Variants in ZNF385D observed in about 807,000 individuals in gnomAD.
ZNF385D encodes zinc finger protein 385D, also known as zinc finger protein 659.
A neutral mutation model predicts 35.8 loss-of-function variants in ZNF385D; 15 were observed. The observed-to-expected ratio is 0.42, with a 90% CI of 0.28 to 0.64. The LOEUF (loss-of-function observed/expected upper bound fraction) is 0.64. Ranked by LOEUF, ZNF385D falls within the 30% of genes least tolerant of loss-of-function variation. ZNF385D has a pLI of 0.23. For missense variants in ZNF385D, 474 were observed against 494.6 expected (o/e 0.96, Z 0.39); for synonymous variants, 212 against 186.8 (o/e 1.13, Z -1.10).
intron 3 of ZNF385D, among the ~76,000 whole-genome samples, chr3:21,814,033 GT>G (rs993390422): frequency 1.3e-5 from 2 of 152,164 alleles, no homozygotes; most frequent in African/African-American, 2.4e-5. Context: ...CCAGAAGAGA[GT>G]GGGGGCCAAT....
At chr3:21,530,702 G>T (rs375762089) in intron 3 of ZNF385D, among the ~76,000 whole-genome samples, 3 of 151,988 alleles carry the variant, frequency 2.0e-5, no homozygotes, top group African/African-American at 4.8e-5. Flanking sequence ...ACTGAGGTTC[G>T]AAGTCCTCAC....
At chr3:21,673,719 G>A (rs1389946560) in intron 1 of ZNF385D, among the ~76,000 whole-genome samples, 1 of 152,122 alleles carries the variant, frequency 6.6e-6, no homozygotes, top group African/African-American at 2.4e-5. Flanking sequence ...AAACACTAAT[G>A]AATAATGTGT....
intron 3 of ZNF385D, among the ~76,000 whole-genome samples, chr3:21,809,957 A>C (rs1353479909): frequency 6.6e-6 from 1 of 152,162 alleles, no homozygotes; most frequent in African/African-American, 2.4e-5. Flanking sequence ...AGTTCTCACA[A>C]ACATTTCAAG....
intron 3 of ZNF385D, among the ~76,000 whole-genome samples, chr3:21,864,437 T>C (rs757181975): frequency 6.6e-6 from 1 of 152,102 alleles, no homozygotes; most frequent in Non-Finnish European, 1.5e-5. Flanking sequence ...GTTCCTCTAA[T>C]TCTAGCAGTG....
At chr3:22,059,045 G>C (rs769364696) in intron 3 of ZNF385D, among the ~76,000 whole-genome samples, 1 of 152,180 alleles carries the variant, frequency 6.6e-6, no homozygotes, top group Non-Finnish European at 1.5e-5. Flanking sequence ...AAGGACATTG[G>C]TAGGACACAT....
chr3:22,284,782 A>T (rs1281806137), intron 2 of ZNF385D, among the ~76,000 whole-genome samples: 1 of 152,136 alleles, frequency 6.6e-6, no homozygotes, highest in Admixed American at 6.6e-5. Flanking sequence ...TTACAATCAT[A>T]ATTTAAGAAT....
At chr3:21,768,405 C>T (rs1278392293) in intron 3 of ZNF385D, among the ~76,000 whole-genome samples, 2 of 151,932 alleles carry the variant, frequency 1.3e-5, no homozygotes, top group East Asian at 3.9e-4. Flanking sequence ...GTCTCTTTCC[C>T]CACCTAGACA....
At chr3:21,525,080 A>G (rs1337544995) in intron 3 of ZNF385D, among the ~76,000 whole-genome samples, 2 of 152,184 alleles carry the variant, frequency 1.3e-5, no homozygotes, top group Non-Finnish European at 2.9e-5. Context: ...TCAGTAAATC[A>G]TGTATTTTTT....
chr3:21,915,648 A>C (rs540330808), intron 3 of ZNF385D, among the ~76,000 whole-genome samples: 22 of 152,310 alleles, frequency 1.4e-4, no homozygotes, highest in African/African-American at 5.3e-4. Flanking sequence ...AAAGAAAAAA[A>C]ACAAAAACAA....
At chr3:21,753,938 T>G (rs2070225232), upstream of ZNF385D, among the ~76,000 whole-genome samples, 1 of 152,202 alleles carries the variant, frequency 6.6e-6, no homozygotes, top group Non-Finnish European at 1.5e-5. Flanking sequence ...CATTGGGTAT[T>G]TGTTTTTATG....
intron 3 of ZNF385D, among the ~76,000 whole-genome samples, chr3:22,164,448 C>T (rs1706180755): frequency 1.3e-5 from 2 of 151,536 alleles, no homozygotes; most frequent in African/African-American, 2.4e-5. Flanking sequence ...AGGATGGTCT[C>T]GATCTCTTGA....
At chr3:21,461,305 C>T (rs1194903240) in intron 4 of ZNF385D, among the ~76,000 whole-genome samples, 1 of 152,094 alleles carries the variant, frequency 6.6e-6, no homozygotes, top group Non-Finnish European at 1.5e-5. Context: ...AATCTCAGCA[C>T]TTTGGGAGGC....
chr3:21,461,105 C>T (rs540441227), intron 4 of ZNF385D, among the ~76,000 whole-genome samples: 1 of 152,254 alleles, frequency 6.6e-6, no homozygotes, highest in African/African-American at 2.4e-5. Flanking sequence ...ATATATATTT[C>T]CCATCACATA....
intron 2 of ZNF385D, among the ~76,000 whole-genome samples, chr3:21,633,211 G>C (rs2065332169): frequency 6.6e-6 from 1 of 152,054 alleles, no homozygotes; most frequent in Non-Finnish European, 1.5e-5. Context: ...TAAATTGTTA[G>C]AAGTGGAGCA....
chr3:21,590,623 A>G (rs1171039951), intron 2 of ZNF385D, among the ~76,000 whole-genome samples: 1 of 152,172 alleles, frequency 6.6e-6, no homozygotes, highest in Non-Finnish European at 1.5e-5. Context: ...CCAATCATTT[A>G]GTATAGTCAC....
intron 4 of ZNF385D, among the ~76,000 whole-genome samples, chr3:21,440,748 T>C (rs1701818818): frequency 6.6e-6 from 1 of 152,166 alleles, no homozygotes; most frequent in Admixed American, 6.6e-5. Flanking sequence ...TTAAAGTTTA[T>C]TACTTTAAGA....
At chr3:21,526,555 ACT>A (rs1708237089) in intron 3 of ZNF385D, among the ~76,000 whole-genome samples, 1 of 152,122 alleles carries the variant, frequency 6.6e-6, no homozygotes, top group Non-Finnish European at 1.5e-5. Flanking sequence ...TAGGATAAAA[ACT>A]CAAAAAAATC....
intron 3 of ZNF385D, among the ~76,000 whole-genome samples, chr3:21,911,152 A>G (rs979932165): frequency 1.3e-5 from 2 of 151,976 alleles, no homozygotes; most frequent in South Asian, 4.1e-4. Flanking sequence ...AGATCTGTAA[A>G]TAGTGACTTC....
chr3:22,356,644 T>C (rs950902711), intron 2 of ZNF385D, among the ~76,000 whole-genome samples: 1 of 151,964 alleles, frequency 6.6e-6, no homozygotes, highest in Non-Finnish European at 1.5e-5. Context: ...AGGTAGATAA[T>C]ACATAGAATG....
Sources: allele counts gnomAD v4.1 joint callset (sites outside exome capture counted in the v4.1 genomes callset), GRCh38; gene constraint gnomAD v4.1.1; transcripts MANE v1.5; gene names NCBI Gene and HGNC (gene_info 2026-07-23, HGNC 2026-07-21).